Variants in CTDSPL observed in about 807,000 individuals in gnomAD.
CTDSPL encodes the protein CTD small phosphatase like.
Under a neutral mutation model 30.5 loss-of-function variants are expected in CTDSPL, and 8 were observed. The observed-to-expected ratio is 0.26, with a 90% confidence interval of 0.15 to 0.47. The LOEUF (loss-of-function observed/expected upper bound fraction) is 0.47, where lower values mean the gene tolerates loss of function less well. Ranked by LOEUF, CTDSPL falls within the 20% of genes least tolerant of loss-of-function variation. The pLI is 0.99. For missense variants in CTDSPL, 248 were observed against 366.1 expected (o/e 0.68, Z 2.63); for synonymous variants, 110 against 137.9 (o/e 0.80, Z 1.42).
chr3:37,970,942 A>G (rs979442615), intron 5 of CTDSPL, among the ~76,000 whole-genome samples: 6 of 152,188 alleles, frequency 3.9e-5, no homozygotes, highest in Non-Finnish European at 8.8e-5. Context: ...GTCCATCCAG[A>G]ACAGAAGGTG....
intron 7 of CTDSPL, 39 bp from the exon 8 acceptor site, chr3:37,980,703 G>A (rs1190364676): frequency 2.3e-5 from 37 of 1,611,344 alleles, no homozygotes; most frequent in Non-Finnish European, 3.1e-5. Flanking sequence ...CCCAGCGCTA[G>A]ATGCAGTCCT....
intron 1 of CTDSPL, among the ~76,000 whole-genome samples, chr3:37,935,480 G>C (rs1698904616): frequency 6.6e-6 from 1 of 151,948 alleles, no homozygotes; most frequent in Non-Finnish European, 1.5e-5. Context: ...TGCAGTGATG[G>C]CTAAGGGCTC....
intron 5 of CTDSPL, among the ~76,000 whole-genome samples, chr3:37,969,047 C>T (rs888409609): frequency 1.3e-5 from 2 of 152,340 alleles, no homozygotes. Flanking sequence ...AAACGGCAGG[C>T]ACTTGGGCAT....
At chr3:37,922,647 G>T (rs1204748262) in intron 1 of CTDSPL, among the ~76,000 whole-genome samples, 1 of 152,220 alleles carries the variant, frequency 6.6e-6, no homozygotes, top group Non-Finnish European at 1.5e-5. Context: ...TGCAAATGTG[G>T]CTCTGTTGAG....
At chr3:37,913,672 A>G (rs1016905902) in intron 1 of CTDSPL, among the ~76,000 whole-genome samples, 1 of 152,226 alleles carries the variant, frequency 6.6e-6, no homozygotes, top group Admixed American at 6.5e-5. Context: ...CTCATGTTAT[A>G]GATGAAGAAA....
At chr3:37,919,534 T>G (rs1698689391) in intron 1 of CTDSPL, among the ~76,000 whole-genome samples, 2 of 151,982 alleles carry the variant, frequency 1.3e-5, no homozygotes, top group African/African-American at 2.4e-5. Context: ...GTGAGGCAGG[T>G]GTTGAGGGCC....
chr3:37,889,427 A>C (rs1698299401), intron 1 of CTDSPL, among the ~76,000 whole-genome samples: 1 of 152,248 alleles, frequency 6.6e-6, no homozygotes, highest in Non-Finnish European at 1.5e-5. Flanking sequence ...AAGGGCTAGA[A>C]AATGAAATCG....
chr3:37,871,133 C>T (rs1294820701), intron 1 of CTDSPL, among the ~76,000 whole-genome samples: 1 of 152,192 alleles, frequency 6.6e-6, no homozygotes, highest in South Asian at 2.1e-4. Context: ...CCTGCCCAAT[C>T]CCTGGCAACC....
chr3:37,930,924 A>C (rs550237464), intron 1 of CTDSPL, among the ~76,000 whole-genome samples: 45 of 152,140 alleles, frequency 3.0e-4, no homozygotes, highest in African/African-American at 1.1e-3. Context: ...TCATTATGTA[A>C]TATCTTTGTT....
intron 3 of CTDSPL, among the ~76,000 whole-genome samples, chr3:37,960,816 A>T (rs1699237452): frequency 6.6e-6 from 1 of 152,062 alleles, no homozygotes; most frequent in Non-Finnish European, 1.5e-5. Context: ...ACAGCTTTTC[A>T]CAAGTTCATT....
intron 1 of CTDSPL, among the ~76,000 whole-genome samples, chr3:37,901,470 C>A (rs184704036): frequency 2.6e-4 from 39 of 152,318 alleles, no homozygotes; most frequent in African/African-American, 8.9e-4. Flanking sequence ...GAAACAGAGA[C>A]ACCTCTTTGT....
chr3:37,900,680 TGAG>T (rs1036824417), intron 1 of CTDSPL, among the ~76,000 whole-genome samples: 9 of 152,206 alleles, frequency 5.9e-5, no homozygotes, highest in Admixed American at 2.0e-4. Flanking sequence ...ATAAATATCA[TGAG>T]GAGACCATGG....
chr3:37,941,876 T>C (rs1698982920), intron 1 of CTDSPL, among the ~76,000 whole-genome samples: 1 of 150,226 alleles, frequency 6.7e-6, no homozygotes, highest in Admixed American at 6.7e-5. Flanking sequence ...CAATGCTCCT[T>C]TCTGATGTAC....
At chr3:37,970,414 C>T (rs1408988537) in intron 5 of CTDSPL, among the ~76,000 whole-genome samples, 1 of 152,220 alleles carries the variant, frequency 6.6e-6, no homozygotes, top group African/African-American at 2.4e-5. Flanking sequence ...ATCTTTGCAA[C>T]TACATCAGGC....
In CTDSPL at chr3:37,975,437, C is replaced by G. The variant is rs774833880; in HGVS notation, c.520-272C>G. 1.3e-5 allele frequency among the ~76,000 whole-genome samples: 2 copies of G among 152,086 alleles called. No homozygotes were observed. Among genetic ancestry groups the G allele is most frequent in the Non-Finnish European group, 2.9e-5 (2 of 67,998 alleles). On this transcript the variant is annotated intron_variant, in intron 6 of 7. Transcript: ENST00000273179. The surrounding 1 kb of genome is among the most constrained non-coding windows in gnomAD (Gnocchi z 4.9). ...CCATCCCAGGCCAGAGATTCGAGGC[C>G]CAGGCTAAGGGTGGTGGCAATATAA...
chr3:37,941,476 C>T (rs1285559068), intron 1 of CTDSPL, among the ~76,000 whole-genome samples: 2 of 145,406 alleles, frequency 1.4e-5, no homozygotes, highest in African/African-American at 5.0e-5. Flanking sequence ...AGTGTGGTGG[C>T]GTTATGTCAG....
chr3:37,921,607 C>CCACACACA (rs58395906), intron 1 of CTDSPL, among the ~76,000 whole-genome samples: 3,530 of 147,698 alleles, frequency 0.024, 129 homozygotes, highest in African/African-American at 0.081. Context: ...ACCCTAACTA[C>CCACACACA]CACACACACA....
chr3:37,910,460 A>G (rs568097353), intron 1 of CTDSPL, among the ~76,000 whole-genome samples: 1 of 152,288 alleles, frequency 6.6e-6, no homozygotes, highest in African/African-American at 2.4e-5. Context: ...CAGCCTGGGC[A>G]ACAAGAACAA....
intron 1 of CTDSPL, among the ~76,000 whole-genome samples, chr3:37,942,952 C>T (rs1698994445): frequency 6.7e-6 from 1 of 150,226 alleles, no homozygotes; most frequent in Non-Finnish European, 1.5e-5. Flanking sequence ...AGCAGAGAGA[C>T]AAGTCAAAAA....
Sources: gnomAD v4.1 joint callset for allele counts (sites outside exome capture counted in the v4.1 genomes callset) on GRCh38, gnomAD v4.1.1 for gene constraint, Gnocchi (gnomAD v3.1) non-coding constraint, MANE v1.5 for transcripts, NCBI Gene and HGNC (gene_info 2026-07-23, HGNC 2026-07-21) for gene names.